The following PKIB variants were observed in gnomAD, a reference collection of about 807,000 sequenced individuals.
PKIB encodes cAMP-dependent protein kinase inhibitor beta, also known as PKI-beta.
PKIB carries 2 observed loss-of-function variants against 4.5 expected under a neutral mutation model. The observed-to-expected ratio is 0.44, with a 90% CI of 0.18 to 1.39. The LOEUF (loss-of-function observed/expected upper bound fraction) is 1.39. Ranked by LOEUF, PKIB falls within the 40% of genes most tolerant of loss-of-function variation. PKIB has a pLI of 0.27. For missense variants in PKIB, 94 were observed against 92.6 expected (o/e 1.02, Z -0.06); for synonymous variants, 38 against 36.0 (o/e 1.06, Z -0.20).
chr6:122,597,327 T>A (rs1274597330), intron 3 of PKIB, among the ~76,000 whole-genome samples: 1 of 152,196 alleles, frequency 6.6e-6, no homozygotes, highest in Non-Finnish European at 1.5e-5. Flanking sequence ...ACAGTAAAGA[T>A]ATATTGCTGG....
upstream of PKIB, chr6:122,610,348 G>T (rs970561300): frequency 5.9e-5 from 9 of 152,434 alleles, 1 homozygote; most frequent in East Asian, 1.7e-3. Flanking sequence ...CGCGGCGGCC[G>T]CTCCCTCCGC....
At chr6:122,518,030 G>C (rs897512787) in intron 2 of PKIB, among the ~76,000 whole-genome samples, 3 of 152,148 alleles carry the variant, frequency 2.0e-5, no homozygotes, top group African/African-American at 7.2e-5. Flanking sequence ...ATGAGTGCTG[G>C]CAGTGAGCTG....
chr6:122,594,921 A>G (rs1420419546), intron 3 of PKIB, among the ~76,000 whole-genome samples: 1 of 152,178 alleles, frequency 6.6e-6, no homozygotes, highest in Admixed American at 6.5e-5. Context: ...ACAGCAGCCA[A>G]CACTGTAGCT....
chr6:122,659,835 C>T (rs1312710132), intron 2 of PKIB, among the ~76,000 whole-genome samples: 1 of 151,746 alleles, frequency 6.6e-6, no homozygotes, highest in Non-Finnish European at 1.5e-5. Flanking sequence ...TGAGAGGTTC[C>T]TGCTCATGCT....
At chr6:122,700,262 T>C (rs1486287971) in intron 3 of PKIB, among the ~76,000 whole-genome samples, 10 of 142,398 alleles carry the variant, frequency 7.0e-5, no homozygotes, top group Non-Finnish European at 1.4e-4. Context: ...TTTTTTTTTT[T>C]TTTTTTTTTT....
At position 122,717,826 on chromosome 6, in the gene PKIB, T is replaced by C. The variant is rs78311405; in HGVS notation, c.32T>C (p.Val11Ala). ...ACAGATTCATCAAAAATGACTGACG[T>C]GGAGTCTGGGGTCGCCAATTTTGCA... MRTDSSKMTD[V>A]ESGVANFASS... Residue 11 changes from valine (V) to alanine (A), a missense_variant, in exon 4 of 5, where the codon GTG (valine) becomes GCG (alanine). Transcript: ENST00000368452. 49 of 1,614,030 alleles carry C rather than the reference T, an allele frequency of 3.0e-5. No individual in the cohort carries two copies. The Admixed American group carries it at 8.2e-4, about 27-fold the overall frequency.
chr6:122,720,882 A>G (rs1779713269), intron 4 of PKIB, among the ~76,000 whole-genome samples: 4 of 152,088 alleles, frequency 2.6e-5, no homozygotes, highest in Admixed American at 2.6e-4. Flanking sequence ...TTGTATTTTT[A>G]GTAGAAACGG....
intron 3 of PKIB, among the ~76,000 whole-genome samples, chr6:122,710,357 A>G (rs9375168): frequency 0.4 from 60,059 of 152,046 alleles, 13,380 homozygotes; most frequent in Non-Finnish European, 0.51. Flanking sequence ...GGAAGAGTAC[A>G]AGCAGACCAC....
At chr6:122,648,235 A>G (rs1018266220) in intron 2 of PKIB, among the ~76,000 whole-genome samples, 1 of 152,346 alleles carries the variant, frequency 6.6e-6, no homozygotes, top group South Asian at 2.1e-4. Context: ...CTCCACCAGC[A>G]CAGCATAAGG....
At chr6:122,671,076 G>A (rs1777444268) in intron 2 of PKIB, among the ~76,000 whole-genome samples, 3 of 152,034 alleles carry the variant, frequency 2.0e-5, no homozygotes, top group South Asian at 2.1e-4. Context: ...GGCGGATCAC[G>A]AGGTCAGGAG....
intron 2 of PKIB, among the ~76,000 whole-genome samples, chr6:122,501,931 T>A (rs1169735837): frequency 1.4e-5 from 1 of 69,798 alleles, no homozygotes; most frequent in African/African-American, 6.4e-5. Context: ...CCAGGCCACT[T>A]TTTTTTTTTT....
chr6:122,621,847 A>C (rs1775242252), intron 1 of PKIB, among the ~76,000 whole-genome samples: 1 of 152,190 alleles, frequency 6.6e-6, no homozygotes, highest in East Asian at 1.9e-4. Context: ...TGTCCCTCAG[A>C]GCACATGTCT....
intron 1 of PKIB, among the ~76,000 whole-genome samples, chr6:122,612,527 A>G (rs754922418): frequency 1.3e-5 from 2 of 152,138 alleles, no homozygotes; most frequent in African/African-American, 2.4e-5. Flanking sequence ...TGAACATTTT[A>G]TATAAATGGA....
At chr6:122,645,623 G>C (rs960238345) in intron 2 of PKIB, among the ~76,000 whole-genome samples, 3 of 152,216 alleles carry the variant, frequency 2.0e-5, no homozygotes, top group African/African-American at 7.2e-5. Context: ...TGAGGCTGGG[G>C]CCTGAAATAC....
intron 2 of PKIB, among the ~76,000 whole-genome samples, chr6:122,515,390 T>A (rs1776716474): frequency 6.6e-6 from 1 of 152,194 alleles, no homozygotes; most frequent in Non-Finnish European, 1.5e-5. Context: ...CTTTATAATT[T>A]ATAAAACAGA....
At chr6:122,600,957 A>G (rs1363355298) in intron 3 of PKIB, among the ~76,000 whole-genome samples, 2 of 152,224 alleles carry the variant, frequency 1.3e-5, no homozygotes, top group African/African-American at 4.8e-5. Context: ...AAGATTGAGC[A>G]TGTTAAATAG....
intron 2 of PKIB, among the ~76,000 whole-genome samples, chr6:122,580,756 A>G (rs1773679688): frequency 6.6e-6 from 1 of 152,168 alleles, no homozygotes; most frequent in Non-Finnish European, 1.5e-5. Context: ...CTTTTAAAAA[A>G]GATTGAATCT....
chr6:122,722,515 C>T (rs1779784801), intron 4 of PKIB, among the ~76,000 whole-genome samples: 4 of 152,152 alleles, frequency 2.6e-5, no homozygotes, highest in Admixed American at 2.6e-4. Flanking sequence ...TATAACAACT[C>T]TTCTCTGAAA....
chr6:122,480,647 C>T (rs1775586475), intron 2 of PKIB: 2 of 152,114 alleles, frequency 1.3e-5, no homozygotes, highest in Admixed American at 1.3e-4. Context: ...CCATTTCTAT[C>T]TCTTCCCTTT....
Sources: allele counts gnomAD v4.1 joint callset (sites outside exome capture counted in the v4.1 genomes callset), GRCh38; gene constraint gnomAD v4.1.1; transcripts MANE v1.5; gene names NCBI Gene and HGNC (gene_info 2026-07-23, HGNC 2026-07-21).